Variants in UNC13C observed in about 807,000 individuals in gnomAD.
The protein encoded by UNC13C is protein unc-13 homolog C.
A neutral mutation model predicts 245.4 loss-of-function variants in UNC13C; 174 were observed. The observed-to-expected ratio is 0.71, with a 90% CI of 0.63 to 0.80. The LOEUF is 0.80. Among genes scored for constraint, UNC13C ranks in the 30% least tolerant of loss-of-function variants. UNC13C has a pLI of 0.00. For synonymous variants in UNC13C, 992 were observed against 895.1 expected, an observed-to-expected ratio of 1.11 and a Z score of -1.93; for missense variants, 2,829 against 2,602.9, an observed-to-expected ratio of 1.09 and a Z score of -1.89.
chr15:54,410,262 T>A (rs893730163), intron 18 of UNC13C, among the ~76,000 whole-genome samples: 6 of 152,230 alleles, frequency 3.9e-5, no homozygotes, highest in African/African-American at 1.4e-4. Flanking sequence ...TCTTACAGAT[T>A]CTGGATATTA....
intron 29 of UNC13C, among the ~76,000 whole-genome samples, chr15:54,557,174 G>A (rs1449829687): frequency 6.6e-6 from 1 of 151,952 alleles, no homozygotes; most frequent in East Asian, 1.9e-4. Flanking sequence ...CAGTAAATGG[G>A]TCCATGCCAT....
At chr15:54,301,937 C>G (rs546955415) in intron 13 of UNC13C, among the ~76,000 whole-genome samples, 71 of 152,268 alleles carry the variant, frequency 4.7e-4, no homozygotes, top group African/African-American at 1.7e-3. Context: ...TCTCCACATC[C>G]TCTCCAGCAT....
In UNC13C at chr15:54,012,831, T is replaced by G; in HGVS notation, c.-73T>G. Reference sequence around the variant, plus strand: ...GAACTTCTGAACAGTGATGCTTGCCTTGGATTTTCAGGTTTTCATCCTGAT... The same window carrying G: ...GAACTTCTGAACAGTGATGCTTGCCGTGGATTTTCAGGTTTTCATCCTGAT... On this transcript the variant is annotated 5_prime_UTR_variant, in exon 2 of 33. Coordinates refer to ENST00000260323, the MANE Select transcript of UNC13C (RefSeq NM_001080534.3). 4 of 1,221,716 alleles carry G rather than the reference T, an allele frequency of 3.3e-6. No homozygotes were observed. The highest frequency in any genetic ancestry group is 2.3e-5 in the East Asian group (1 of 42,878). 75.7% of individuals were successfully genotyped at this position (1,221,716 alleles called of 1,614,324 possible).
At chr15:54,584,105 C>T (rs978626734) in intron 30 of UNC13C, among the ~76,000 whole-genome samples, 2 of 152,148 alleles carry the variant, frequency 1.3e-5, no homozygotes, top group Admixed American at 1.3e-4. Flanking sequence ...GACTGACACC[C>T]TAGAACCTAC....
At chr15:54,034,969 T>C (rs530929543) in intron 2 of UNC13C, among the ~76,000 whole-genome samples, 1 of 152,204 alleles carries the variant, frequency 6.6e-6, no homozygotes, top group Non-Finnish European at 1.5e-5. Context: ...TTCTTCCCAA[T>C]GACCACTTCA....
At chr15:54,031,160 G>C (rs1595739897) in intron 2 of UNC13C, among the ~76,000 whole-genome samples, 1 of 152,068 alleles carries the variant, frequency 6.6e-6, no homozygotes, top group South Asian at 2.1e-4. Context: ...TGCATCTCCT[G>C]GAGATGTTTG....
At chr15:54,106,562 G>A (rs535498602) in intron 2 of UNC13C, among the ~76,000 whole-genome samples, 1 of 152,138 alleles carries the variant, frequency 6.6e-6, no homozygotes, top group South Asian at 2.1e-4. Flanking sequence ...CTCTTCTTTA[G>A]TTTCAGCAGA....
chr15:54,275,764 T>G (rs2036815532), intron 10 of UNC13C, among the ~76,000 whole-genome samples: 1 of 152,148 alleles, frequency 6.6e-6, no homozygotes, highest in Non-Finnish European at 1.5e-5. Context: ...AATTCATTCC[T>G]TTATTGAAAA....
At chr15:54,348,158 A>G (rs1596262671) in intron 17 of UNC13C, among the ~76,000 whole-genome samples, 8 of 152,288 alleles carry the variant, frequency 5.3e-5, no homozygotes, top group Admixed American at 5.2e-4. Context: ...CAATTTACAC[A>G]TCAATTCCGA....
intron 25 of UNC13C, among the ~76,000 whole-genome samples, chr15:54,529,250 A>C (rs1250087045): frequency 6.6e-6 from 1 of 152,194 alleles, no homozygotes; most frequent in Non-Finnish European, 1.5e-5. Flanking sequence ...TTAAATATGT[A>C]CACAAAATTA....
At chr15:54,171,007 A>C (rs1227301346) in intron 4 of UNC13C, among the ~76,000 whole-genome samples, 2 of 152,204 alleles carry the variant, frequency 1.3e-5, no homozygotes, top group African/African-American at 4.8e-5. Flanking sequence ...ATGGGCATAT[A>C]CATTATATGC....
At chr15:54,003,958 C>G (rs1374360395) in intron 1 of UNC13C, among the ~76,000 whole-genome samples, 1 of 152,114 alleles carries the variant, frequency 6.6e-6, no homozygotes, top group Non-Finnish European at 1.5e-5. Flanking sequence ...TTGCAGTGAG[C>G]CGAGATCCTG....
Position 54,416,364 on chromosome 15 carries a change from T to C in UNC13C, c.4933+1297T>C, listed in dbSNP as rs148574382. On this transcript the variant is annotated intron_variant, in intron 19 of 32. Transcript: ENST00000260323. Reference sequence around the variant, plus strand: ...GTTTTTCTTATTTGGAAAAAAAAGGTACTAGATAGATCATAATATCTAGTT... The same window carrying C: ...GTTTTTCTTATTTGGAAAAAAAAGGCACTAGATAGATCATAATATCTAGTT... Among the ~76,000 whole-genome samples, 493 of 152,282 alleles carry C rather than the reference T, an allele frequency of 3.2e-3. 6 individuals are homozygous for C. Among genetic ancestry groups the C allele is most frequent in the Non-Finnish European group, 3.4e-3 (228 of 68,026 alleles).
intron 11 of UNC13C, among the ~76,000 whole-genome samples, chr15:54,294,376 A>T (rs2037377788): frequency 1.3e-5 from 2 of 152,242 alleles, no homozygotes; most frequent in Middle Eastern, 3.4e-3. Context: ...TGCCAAATAC[A>T]TGCGAAACAA....
chr15:54,490,447 T>A (rs1893644873), intron 19 of UNC13C, among the ~76,000 whole-genome samples: 1 of 151,802 alleles, frequency 6.6e-6, no homozygotes, highest in Non-Finnish European at 1.5e-5. Flanking sequence ...GTTTGCAGAG[T>A]CCAGGAGGAT....
chr15:54,100,039 G>T (rs79880602), intron 2 of UNC13C, among the ~76,000 whole-genome samples: 2,954 of 149,232 alleles, frequency 0.02, 89 homozygotes, highest in African/African-American at 0.07. Flanking sequence ...GGCAGAGGTT[G>T]CAGTCAGCAA....
At chr15:54,424,802 C>T (rs1370048619) in intron 19 of UNC13C, among the ~76,000 whole-genome samples, 1 of 151,810 alleles carries the variant, frequency 6.6e-6, no homozygotes, top group Non-Finnish European at 1.5e-5. Flanking sequence ...CTGGAAAGGA[C>T]AGGAGCAGCT....
the UNC13C span, chr15:53,968,299 C>G: frequency 6.6e-6 from 1 of 150,966 alleles, no homozygotes; most frequent in Non-Finnish European, 1.5e-5. Context: ...TGAACTAGTT[C>G]TTAAATGAAT....
intron 4 of UNC13C, among the ~76,000 whole-genome samples, chr15:54,185,210 T>A (rs1355588270): frequency 7.9e-5 from 12 of 151,974 alleles, no homozygotes; most frequent in Admixed American, 6.5e-5. Flanking sequence ...TTTTCTCCCA[T>A]TCTGTAGGTT....
Sources: allele counts gnomAD v4.1 joint callset (sites outside exome capture counted in the v4.1 genomes callset), GRCh38; gene constraint gnomAD v4.1.1; transcripts MANE v1.5; gene names NCBI Gene and HGNC (gene_info 2026-07-23, HGNC 2026-07-21).